Variants in GALC observed in about 807,000 individuals in gnomAD.
The protein encoded by GALC is galactocerebrosidase.
Under a neutral mutation model 91.8 loss-of-function variants are expected in GALC, and 77 were observed. The ratio of observed to expected loss-of-function variants is 0.84; its 90% confidence interval spans 0.70 to 1.01. GALC has a LOEUF of 1.01. GALC is among the 50% of genes least tolerant of loss of function. The probability of loss-of-function intolerance (pLI) is 0.00; values close to 1 mark genes in which losing one functional copy is unlikely to be tolerated. For missense variants in GALC, 882 were observed against 855.9 expected (o/e 1.03, Z -0.38); for synonymous variants, 357 against 306.7 (o/e 1.16, Z -1.71).
At chr14:87,943,220 G>C (rs538050847) in intron 14 of GALC, among the ~76,000 whole-genome samples, 36 of 152,088 alleles carry the variant, frequency 2.4e-4, no homozygotes, top group Non-Finnish European at 4.1e-4. Flanking sequence ...AGGCAAATTT[G>C]ATCCAAGAGA....
chr14:87,954,499 A>G, intron 10 of GALC: 1 of 1,566,190 alleles, frequency 6.4e-7, no homozygotes. Context: ...ATTACACACT[A>G]GAAAACCTAA....
intron 16 of GALC, among the ~76,000 whole-genome samples, chr14:87,939,423 G>C (rs1388369809): frequency 1.3e-5 from 2 of 151,580 alleles, no homozygotes; most frequent in Non-Finnish European, 2.9e-5. Context: ...GTGATTCTCA[G>C]GAACATTTTT....
intron 10 of GALC, chr14:87,953,407 C>T: frequency 6.9e-7 from 1 of 1,458,854 alleles, no homozygotes; most frequent in Non-Finnish European, 9.6e-7. Flanking sequence ...TGGACAAAAC[C>T]AAGCATATTC....
chr14:87,957,890 C>T lies in GALC; in HGVS notation c.1161+5494G>A, dbSNP rs548699334. On this transcript the variant is annotated intron_variant, in intron 10 of 16. Coordinates refer to ENST00000261304, the MANE Select transcript of GALC (RefSeq NM_000153.4). ...AACACATGGAAATACATCCCATGCT[C>T]ATGGATTGGAAGAATCAATATTGTG... is the stretch of plus-strand genomic sequence containing the variant. 5.9e-5 allele frequency among the ~76,000 whole-genome samples: 9 copies of T among 152,274 alleles called. No homozygotes were observed. In the South Asian group the frequency reaches 1.7e-3, roughly 28 times the overall value.
Position 87,965,612 on chromosome 14 carries a change from A to G in GALC, c.926T>C (p.Leu309Ser), listed in dbSNP as rs1886010757. Residue 309 changes from leucine to serine, a missense_variant, in exon 9 of 17, where the codon TTA (leucine) becomes TCA (serine). Leu to Ser is a moderately radical substitution (Grantham distance 145, BLOSUM62 -2). Coordinates refer to ENST00000261304, the MANE Select transcript of GALC (RefSeq NM_000153.4). ...GYMTSTIAWN[L>S]VASYYEQLPY... Reference sequence around the variant, plus strand: ...CAACTGTTCATAGTAACTAGCCACTAAATTCCATGCGATTGTGCTAAAAGA... The same window carrying G: ...CAACTGTTCATAGTAACTAGCCACTGAATTCCATGCGATTGTGCTAAAAGA... 6.2e-7 allele frequency: 1 copy of G among 1,613,314 alleles called. No individual in the cohort carries two copies. The highest frequency in any genetic ancestry group is 1.3e-5 in the African/African-American group (1 of 74,884).
At chr14:87,990,080 T>G (rs1371198301) in intron 1 of GALC, among the ~76,000 whole-genome samples, 1 of 152,174 alleles carries the variant, frequency 6.6e-6, no homozygotes, top group Non-Finnish European at 1.5e-5. Context: ...GCTCACTGAT[T>G]TGATGTAAGC....
At chr14:87,986,172 G>C (rs2139753781) in intron 4 of GALC, among the ~76,000 whole-genome samples, 1 of 152,204 alleles carries the variant, frequency 6.6e-6, no homozygotes, top group South Asian at 2.1e-4. Context: ...ATGGAATTAG[G>C]TGCTAACACC....
intron 10 of GALC, among the ~76,000 whole-genome samples, chr14:87,958,289 AT>A (rs1885645369): frequency 6.6e-6 from 1 of 151,246 alleles, no homozygotes; most frequent in African/African-American, 2.4e-5. Flanking sequence ...ATCTACTGTA[AT>A]TCGGTTAGTT....
intron 10 of GALC, chr14:87,953,579 T>C: frequency 6.2e-7 from 1 of 1,609,712 alleles, no homozygotes. Context: ...AGCTCAGGAA[T>C]ACTGTGTTCC....
intron 1 of GALC, chr14:87,989,593 T>C (rs1887112406): frequency 6.6e-6 from 1 of 152,356 alleles, no homozygotes; most frequent in Non-Finnish European, 1.5e-5. Context: ...AAACTTCCCA[T>C]GTACCCTCAG....
chr14:87,934,018 A>G lies in GALC; in HGVS notation c.*714T>C. On this transcript the variant is annotated 3_prime_UTR_variant, in exon 17 of 17. Coordinates refer to ENST00000261304, the MANE Select transcript of GALC (RefSeq NM_000153.4). ...CAGCCACCTGGAAAAACGTTCACAG[A>G]GAGTTATAGTGGTTACAAGACCAAA... 6.5e-7 allele frequency: 1 copy of G among 1,534,472 alleles called. No homozygotes were observed. Among genetic ancestry groups the G allele is most frequent in the Non-Finnish European group, 8.7e-7 (1 of 1,145,904 alleles).
At chr14:87,953,966 AT>A (rs1885413586) in intron 10 of GALC, 5 of 1,609,322 alleles carry the variant, frequency 3.1e-6, no homozygotes, top group South Asian at 1.1e-5. Flanking sequence ...GGACTGCAGC[AT>A]TTTGGGCATA....
At chr14:87,976,048 G>A (rs1032677511) in intron 7 of GALC, among the ~76,000 whole-genome samples, 3 of 152,076 alleles carry the variant, frequency 2.0e-5, no homozygotes, top group African/African-American at 7.2e-5. Context: ...TCACAACTTT[G>A]CCTTTATAAT....
At chr14:87,954,591 A>C in intron 10 of GALC, 1 of 1,583,320 alleles carries the variant, frequency 6.3e-7, no homozygotes, top group South Asian at 1.1e-5. Context: ...GCAAAATTTC[A>C]AAAAAGTGCA....
At chr14:87,991,749 T>C (rs1887210125) in intron 1 of GALC, among the ~76,000 whole-genome samples, 1 of 152,242 alleles carries the variant, frequency 6.6e-6, no homozygotes, top group South Asian at 2.1e-4. Flanking sequence ...AGGAGTTTCC[T>C]ACTTTGAATT....
intron 16 of GALC, among the ~76,000 whole-genome samples, chr14:87,937,712 G>A (rs1435359535): frequency 6.6e-6 from 1 of 151,436 alleles, no homozygotes; most frequent in Non-Finnish European, 1.5e-5. Context: ...ACATCCTATT[G>A]ATATTTTAAC....
rs114174103 is a variant in GALC at position 87,933,931 on chromosome 14, T to A, written c.*801A>T. The A allele has an allele frequency of 2.8e-3, 4,030 of 1,451,408 alleles. 100 individuals carry two copies. The African/African-American group carries it at 0.05, about 18-fold the overall frequency. 89.9% of individuals were successfully genotyped at this position (1,451,408 alleles called of 1,614,324 possible). ...CATGTGAGGACAGACCACAGCACAGTGAGATGAGGCTGAGGAAACGACTAC... is the reference window on the plus strand; with the variant it reads ...CATGTGAGGACAGACCACAGCACAGAGAGATGAGGCTGAGGAAACGACTAC... On this transcript the variant is annotated 3_prime_UTR_variant, in exon 17 of 17. Coordinates refer to ENST00000261304, the MANE Select transcript of GALC (RefSeq NM_000153.4).
intron 1 of GALC, chr14:87,992,331 G>A: frequency 1.3e-6 from 2 of 1,535,700 alleles, no homozygotes; most frequent in Admixed American, 3.9e-5. Flanking sequence ...TGAAGCCCAT[G>A]GGCCCAGAGG....
chr14:87,954,690 T>G, intron 10 of GALC: 3 of 1,555,604 alleles, frequency 1.9e-6, no homozygotes, highest in African/African-American at 2.7e-5. Context: ...ATTTCAGAGC[T>G]GTCATTTCCT....
Sources: allele counts gnomAD v4.1 joint callset (sites outside exome capture counted in the v4.1 genomes callset), GRCh38; gene constraint gnomAD v4.1.1; transcripts MANE v1.5; gene names NCBI Gene and HGNC (gene_info 2026-07-23, HGNC 2026-07-21).